The following COX7B2 variants were observed in gnomAD, a reference collection of about 807,000 sequenced individuals.
The protein encoded by COX7B2 is cytochrome c oxidase subunit 7B2, mitochondrial.
For missense variants in COX7B2, 109 were observed against 95.9 expected (o/e 1.14, Z -0.57); for synonymous variants, 37 against 32.1 (o/e 1.15, Z -0.51).
chr4:46,901,196 G>A (rs1398169), intron 1 of COX7B2, among the ~76,000 whole-genome samples: 36,983 of 152,064 alleles, frequency 0.24, 4,704 homozygotes, highest in East Asian at 0.29. Flanking sequence ...ATCTTGGGGT[G>A]ATATAACCTG....
intron 2 of COX7B2, among the ~76,000 whole-genome samples, chr4:46,826,028 T>C (rs1205101499): frequency 6.6e-6 from 1 of 152,040 alleles, no homozygotes; most frequent in African/African-American, 2.4e-5. Context: ...AACTAACAAG[T>C]GGGATCTAAT....
intron 1 of COX7B2, among the ~76,000 whole-genome samples, chr4:46,907,372 A>T (rs1189384943): frequency 6.6e-6 from 1 of 152,088 alleles, no homozygotes; most frequent in African/African-American, 2.4e-5. Context: ...ATTGCTCTCT[A>T]TTAACAATGA....
intron 2 of COX7B2, among the ~76,000 whole-genome samples, chr4:46,763,660 A>C (rs761783528): frequency 1.3e-5 from 2 of 152,178 alleles, no homozygotes; most frequent in Non-Finnish European, 2.9e-5. Context: ...GAAGAGATCC[A>C]GCAAGAGGCA....
chr4:46,827,280 A>G (rs1197004449), intron 2 of COX7B2, among the ~76,000 whole-genome samples: 1 of 152,134 alleles, frequency 6.6e-6, no homozygotes, highest in Non-Finnish European at 1.5e-5. Context: ...AACTCCAAAT[A>G]GGATAAATAC....
At chr4:46,880,060 GC>G (rs1170001370) in intron 1 of COX7B2, among the ~76,000 whole-genome samples, 1 of 152,120 alleles carries the variant, frequency 6.6e-6, no homozygotes, top group Non-Finnish European at 1.5e-5. Flanking sequence ...TTCCAACTTT[GC>G]CCATTCAGTG....
At chr4:46,835,773 C>T (rs1473744415) in intron 2 of COX7B2, among the ~76,000 whole-genome samples, 2 of 152,090 alleles carry the variant, frequency 1.3e-5, no homozygotes, top group Non-Finnish European at 2.9e-5. Context: ...AGAAATGCAT[C>T]ATTAGGCAAT....
rs1044168766 is a variant in COX7B2 at position 46,803,720 on chromosome 4, C to G, written c.-50+41240G>C. 2.1e-5 allele frequency among the ~76,000 whole-genome samples: 3 copies of G among 145,876 alleles called. No homozygotes were observed. The Admixed American group carries it at 2.1e-4, about 10-fold the overall frequency. On this transcript the variant is annotated intron_variant, in intron 2 of 2. Coordinates refer to ENST00000355591, the MANE Select transcript of COX7B2 (RefSeq NM_130902.3). ...TGTTGCTCATTGGCTTAAATTAAGC[C>G]TGGTTTACTTTCTTTTTTTTTTTTT... is the stretch of plus-strand genomic sequence containing the variant.
At chr4:46,861,926 C>G (rs1717357406) in intron 1 of COX7B2, among the ~76,000 whole-genome samples, 1 of 152,166 alleles carries the variant, frequency 6.6e-6, no homozygotes, top group Admixed American at 6.5e-5. Context: ...TGAGACACCC[C>G]TCCCTGTTAT....
intron 2 of COX7B2, among the ~76,000 whole-genome samples, chr4:46,749,484 C>T (rs1178512280): frequency 6.6e-6 from 1 of 152,062 alleles, no homozygotes; most frequent in East Asian, 1.9e-4. Flanking sequence ...ACAATGAAAA[C>T]TCTTTGTTAT....
At chr4:46,765,408 C>T (rs1215536430) in intron 2 of COX7B2, among the ~76,000 whole-genome samples, 12 of 152,222 alleles carry the variant, frequency 7.9e-5, no homozygotes, top group African/African-American at 2.6e-4. Flanking sequence ...CTAGACCAGC[C>T]GCAGGCACCA....
intron 2 of COX7B2, among the ~76,000 whole-genome samples, chr4:46,781,024 C>T (rs576292942): frequency 6.6e-6 from 1 of 152,174 alleles, no homozygotes; most frequent in East Asian, 1.9e-4. Context: ...TTCAATATGG[C>T]AGATATAGGG....
At chr4:46,900,630 G>C (rs1364300731) in intron 1 of COX7B2, among the ~76,000 whole-genome samples, 1 of 152,132 alleles carries the variant, frequency 6.6e-6, no homozygotes, top group Non-Finnish European at 1.5e-5. Flanking sequence ...TTCATTTGTT[G>C]ACATTCTAAC....
chr4:46,798,147 C>CA (rs1405334905), intron 2 of COX7B2, among the ~76,000 whole-genome samples: 2 of 152,120 alleles, frequency 1.3e-5, no homozygotes, highest in Non-Finnish European at 2.9e-5. Context: ...GAAATAAATA[C>CA]AAAAAAATGC....
chr4:46,895,369 T>G (rs1719694981), intron 1 of COX7B2, among the ~76,000 whole-genome samples: 2 of 152,162 alleles, frequency 1.3e-5, no homozygotes, highest in Non-Finnish European at 1.5e-5. Flanking sequence ...GCTATTATCC[T>G]TAGCAAGCTA....
At chr4:46,794,550 C>A (rs1317365299) in intron 2 of COX7B2, among the ~76,000 whole-genome samples, 1 of 152,004 alleles carries the variant, frequency 6.6e-6, no homozygotes, top group Non-Finnish European at 1.5e-5. Context: ...TTGAGGGGAG[C>A]CCCAGCATCC....
intron 2 of COX7B2, among the ~76,000 whole-genome samples, chr4:46,749,266 C>A (rs28416712): frequency 0.33 from 49,744 of 151,928 alleles, 8,410 homozygotes; most frequent in South Asian, 0.47. Flanking sequence ...TTAATTTTGA[C>A]ATTTAAATTA....
chr4:46,880,480 G>C (rs1224994477), intron 1 of COX7B2, among the ~76,000 whole-genome samples: 1 of 131,388 alleles, frequency 7.6e-6, no homozygotes, highest in African/African-American at 2.8e-5. Context: ...GCTCATTATT[G>C]GCCTATGCAG....
At chr4:46,903,766 C>T (rs1213783854) in intron 1 of COX7B2, 1 of 152,186 alleles carries the variant, frequency 6.6e-6, no homozygotes, top group Admixed American at 6.5e-5. Flanking sequence ...CTGTACAGGT[C>T]GGTAGCCTAG....
At chr4:46,877,964 A>G (rs150079407) in intron 1 of COX7B2, among the ~76,000 whole-genome samples, 2,350 of 152,114 alleles carry the variant, frequency 0.015, 20 homozygotes, top group Non-Finnish European at 0.025. Flanking sequence ...TAGCCAAGAT[A>G]TGGAAACAAC....
Sources: allele counts gnomAD v4.1 joint callset (sites outside exome capture counted in the v4.1 genomes callset), GRCh38; gene constraint gnomAD v4.1.1; transcripts MANE v1.5; gene names NCBI Gene and HGNC (gene_info 2026-07-23, HGNC 2026-07-21).